Variants in FSTL4 observed in about 807,000 individuals in gnomAD.
FSTL4 encodes follistatin like 4.
FSTL4 carries 28 observed loss-of-function variants against 78.2 expected under a neutral mutation model. The observed-to-expected ratio is 0.36, with a 90% CI of 0.27 to 0.49. The LOEUF is 0.49. Ranked by LOEUF, FSTL4 falls within the 20% of genes least tolerant of loss-of-function variation. The pLI, the probability that FSTL4 is intolerant of heterozygous loss-of-function variation, is 0.98. For missense variants in FSTL4, 922 were observed against 1,084.9 expected (o/e 0.85, Z 2.11); for synonymous variants, 422 against 440.5 (o/e 0.96, Z 0.53).
In FSTL4 at chr5:133,321,003, T is replaced by C. The variant is rs577665479; in HGVS notation, c.410-4351A>G. On this transcript the variant is annotated intron_variant, in intron 4 of 15. Coordinates refer to ENST00000265342, the MANE Select transcript of FSTL4 (RefSeq NM_015082.2). ...GCCTGGGTGACAGAGCGAGACTCCG[T>C]CTCAAAAAAAAAAAAAAAAAAAAAT... is the stretch of plus-strand genomic sequence containing the variant. Among the ~76,000 whole-genome samples, 4 of 28,068 alleles carry C rather than the reference T, an allele frequency of 1.4e-4. No individual in the cohort carries two copies. The East Asian group carries it at 1.8e-3, about 13-fold the overall frequency. The allele number at this position is 28,068 out of a possible 152,430, so 18.4% of individuals were successfully genotyped here. A position where few individuals can be genotyped will look rare whatever the true frequency, so the allele number is the denominator to read the frequency against.
chr5:133,745,556 G>A, the FSTL4 span, among the ~76,000 whole-genome samples: 1 of 152,316 alleles, frequency 6.6e-6, no homozygotes, highest in African/African-American at 2.4e-5. Context: ...GCCAAGTATA[G>A]CAGGTGGGCT....
At chr5:133,320,669 C>T (rs1416736273) in intron 4 of FSTL4, among the ~76,000 whole-genome samples, 5 of 152,138 alleles carry the variant, frequency 3.3e-5, no homozygotes, top group Admixed American at 1.3e-4. Context: ...GTCTGCTGTG[C>T]GGGCTCCGAG....
chr5:133,229,554 C>T lies in FSTL4; in HGVS notation c.1016-3735G>A, dbSNP rs367859934. On this transcript the variant is annotated intron_variant, in intron 8 of 15. Transcript: ENST00000265342. The stretch of plus-strand genomic sequence containing the variant: ...AAAAAATCAGTTGGTCAGGGCTTGA[C>T]AAAACAATTCTGAATTTAGAAGAAA... Among the ~76,000 whole-genome samples the T allele has an allele frequency of 2.0e-4, 30 of 151,454 alleles. No individual in the cohort carries two copies. In the South Asian group the frequency reaches 6.1e-3, roughly 31 times the overall value.
the FSTL4 span, among the ~76,000 whole-genome samples, chr5:133,658,416 G>A: frequency 1.9e-4 from 29 of 152,024 alleles, 1 homozygote; most frequent in South Asian, 6.0e-3. Flanking sequence ...AAATTTTTTG[G>A]AAAAAATGTG....
chr5:133,630,723 C>G, the FSTL4 span, among the ~76,000 whole-genome samples: 1 of 152,182 alleles, frequency 6.6e-6, no homozygotes, highest in Non-Finnish European at 1.5e-5. Flanking sequence ...AGGCATCACG[C>G]TACCTGACTT....
At chr5:133,839,088 G>C in the FSTL4 span, among the ~76,000 whole-genome samples, 1 of 152,222 alleles carries the variant, frequency 6.6e-6, no homozygotes, top group African/African-American at 2.4e-5. Flanking sequence ...TGCCGTGACT[G>C]TGTTCTAATG....
intron 4 of FSTL4, among the ~76,000 whole-genome samples, chr5:133,381,210 C>G (rs973413142): frequency 6.6e-6 from 1 of 152,172 alleles, no homozygotes; most frequent in Non-Finnish European, 1.5e-5. Context: ...AAGAATGATT[C>G]CAGTTGCACA....
At position 133,576,898 on chromosome 5, in the gene FSTL4, G is replaced by T. The variant is rs186392873; in HGVS notation, c.127-9679C>A. Among the ~76,000 whole-genome samples, 21 of 152,214 alleles carry T rather than the reference G, an allele frequency of 1.4e-4. No homozygotes were observed. In the East Asian group the frequency reaches 2.5e-3, roughly 18 times the overall value. ...CTTACAATTTTTCATTTATTCACTT[G>T]AATTTTAAAAACTTGACTCTAAGCA... On this transcript the variant is annotated intron_variant, in intron 2 of 15. Transcript: ENST00000265342.
the FSTL4 span, among the ~76,000 whole-genome samples, chr5:133,780,573 T>C: frequency 6.6e-6 from 1 of 152,160 alleles, no homozygotes; most frequent in Admixed American, 6.5e-5. Context: ...ACCCAGCACT[T>C]AGCACAGAAG....
chr5:133,471,627 C>A (rs1757828531), intron 3 of FSTL4, among the ~76,000 whole-genome samples: 1 of 152,174 alleles, frequency 6.6e-6, no homozygotes, highest in Non-Finnish European at 1.5e-5. Flanking sequence ...TTCTCAGCCA[C>A]CGAAATTTTA....
chr5:133,727,251 T>C, the FSTL4 span, among the ~76,000 whole-genome samples: 2 of 152,152 alleles, frequency 1.3e-5, no homozygotes, highest in African/African-American at 4.8e-5. Context: ...AAGATTTAGC[T>C]TGACCCTAGT....
the FSTL4 span, among the ~76,000 whole-genome samples, chr5:133,619,755 G>T: frequency 6.6e-6 from 1 of 152,176 alleles, no homozygotes; most frequent in Non-Finnish European, 1.5e-5. Flanking sequence ...ACAAATGCAT[G>T]CACATACATC....
chr5:133,400,527 G>A (rs1054206914), intron 4 of FSTL4, among the ~76,000 whole-genome samples: 2 of 152,182 alleles, frequency 1.3e-5, no homozygotes, highest in African/African-American at 4.8e-5. Flanking sequence ...ACTCCCCAAG[G>A]AGCTTCCTCT....
At chr5:133,723,309 A>G in the FSTL4 span, among the ~76,000 whole-genome samples, 1 of 152,146 alleles carries the variant, frequency 6.6e-6, no homozygotes, top group African/African-American at 2.4e-5. Context: ...ATGGCTCTGG[A>G]GAAGAAGACG....
intron 3 of FSTL4, among the ~76,000 whole-genome samples, chr5:133,479,539 C>T (rs954152788): frequency 5.3e-5 from 8 of 152,200 alleles, no homozygotes; most frequent in African/African-American, 1.9e-4. Flanking sequence ...CATGCAACAA[C>T]ATGGAAGAAC....
chr5:133,424,047 G>A (rs1296253437), intron 3 of FSTL4, among the ~76,000 whole-genome samples: 2 of 152,320 alleles, frequency 1.3e-5, no homozygotes, highest in East Asian at 3.9e-4. Context: ...GGGCCGAGCC[G>A]GGCTCTGCAG....
intron 4 of FSTL4, among the ~76,000 whole-genome samples, chr5:133,394,839 T>G (rs1245142977): frequency 6.6e-6 from 1 of 152,228 alleles, no homozygotes; most frequent in Non-Finnish European, 1.5e-5. Context: ...CTTGGAGAAC[T>G]TTTATGTCTA....
chr5:133,514,795 G>C (rs1758820876), intron 3 of FSTL4, among the ~76,000 whole-genome samples: 1 of 152,158 alleles, frequency 6.6e-6, no homozygotes, highest in East Asian at 1.9e-4. Flanking sequence ...AACAAACCAG[G>C]CCTCCCTTAG....
upstream of FSTL4, among the ~76,000 whole-genome samples, chr5:133,614,013 A>G (rs185620943): frequency 6.6e-4 from 101 of 152,298 alleles, 1 homozygote; most frequent in African/African-American, 2.4e-3. Context: ...TGGGAAACAG[A>G]AAAGAGAAAA....
Sources: gnomAD v4.1 joint callset for allele counts (sites outside exome capture counted in the v4.1 genomes callset) on GRCh38, gnomAD v4.1.1 for gene constraint, MANE v1.5 for transcripts, NCBI Gene and HGNC (gene_info 2026-07-23, HGNC 2026-07-21) for gene names.